Variants in KIAA1549 observed in about 807,000 individuals in gnomAD.
KIAA1549 encodes UPF0606 protein KIAA1549.
A neutral mutation model predicts 156.4 loss-of-function variants in KIAA1549; 70 were observed. The observed-to-expected ratio is 0.45, with a 90% CI of 0.37 to 0.55. The LOEUF (loss-of-function observed/expected upper bound fraction) is 0.55, where lower values mean the gene tolerates loss of function less well. KIAA1549 is among the 20% of genes least tolerant of loss of function. KIAA1549 has a pLI of 0.00. For missense variants in KIAA1549, 2,428 were observed against 2,540.9 expected (o/e 0.96, Z 0.96); for synonymous variants, 1,103 against 1,066.4 (o/e 1.03, Z -0.67).
intron 17 of KIAA1549, among the ~76,000 whole-genome samples, chr7:138,850,714 AT>A (rs1286052750): frequency 6.6e-6 from 1 of 152,178 alleles, no homozygotes; most frequent in Non-Finnish European, 1.5e-5. Context: ...ATTAGATCCC[AT>A]ATGTCAATTT....
At chr7:138,936,764 G>T (rs1813023316) in intron 1 of KIAA1549, among the ~76,000 whole-genome samples, 1 of 122,302 alleles carries the variant, frequency 8.2e-6, no homozygotes. Flanking sequence ...CCCAAACGCT[G>T]GTACTGTGGG....
intron 1 of KIAA1549, among the ~76,000 whole-genome samples, chr7:138,964,452 T>C (rs1563096132): frequency 6.6e-6 from 1 of 152,202 alleles, no homozygotes; most frequent in Non-Finnish European, 1.5e-5. Context: ...ATCCTTACAG[T>C]ACCTACCTCA....
chr7:138,925,107 T>A (rs1323689041), intron 1 of KIAA1549, among the ~76,000 whole-genome samples: 1 of 152,184 alleles, frequency 6.6e-6, no homozygotes, highest in Admixed American at 6.5e-5. Flanking sequence ...CTGGCCATGC[T>A]GGACGTCACA....
chr7:138,953,216 C>T, intron 1 of KIAA1549, among the ~76,000 whole-genome samples: 1 of 152,110 alleles, frequency 6.6e-6, no homozygotes, highest in East Asian at 1.9e-4. Flanking sequence ...ATTAGCCAGG[C>T]ATGGTGGTGC....
rs747587403 is a variant in KIAA1549 at position 138,871,224 on chromosome 7, G to C, written c.4484C>G (p.Pro1495Arg). The change falls in exon 13 of 20, where the codon CCG (proline) becomes CGG (arginine). Residue 1495 changes from proline to arginine, a missense_variant. Transcript: ENST00000422774. The stretch of plus-strand genomic sequence containing the variant: ...GGAGGGGCGCTGGACGGGAGGTGCC[G>C]GGATCGGCTGCATGGCGATAAGCTG... ...KIQLIAMQPI[P>R]APPVQRPSPA... 6 of 1,613,096 alleles carry C rather than the reference G, an allele frequency of 3.7e-6. No individual in the cohort carries two copies. The highest frequency in any genetic ancestry group is 3.3e-5 in the South Asian group (3 of 91,058).
chr7:138,964,181 G>C (rs561612127), intron 1 of KIAA1549, among the ~76,000 whole-genome samples: 45 of 152,310 alleles, frequency 3.0e-4, no homozygotes, highest in African/African-American at 1.0e-3. Flanking sequence ...TTCTAACAGG[G>C]ACAGGGAGCT....
At chr7:138,954,733 G>A (rs921494640) in intron 1 of KIAA1549, among the ~76,000 whole-genome samples, 2 of 152,188 alleles carry the variant, frequency 1.3e-5, no homozygotes, top group South Asian at 2.1e-4. Context: ...TACCTGGCCC[G>A]TGCAGAGTGA....
intron 1 of KIAA1549, among the ~76,000 whole-genome samples, chr7:138,942,205 T>C (rs74998503): frequency 0.14 from 20,613 of 152,116 alleles, 1,551 homozygotes; most frequent in South Asian, 0.2. Context: ...CACCACACTG[T>C]CTCTCTGAAA....
chr7:138,847,823 T>C (rs1440395461), intron 17 of KIAA1549, among the ~76,000 whole-genome samples: 1 of 152,194 alleles, frequency 6.6e-6, no homozygotes, highest in Non-Finnish European at 1.5e-5. Flanking sequence ...AATCTACAAA[T>C]CACATGGGGA....
chr7:138,862,116 A>G (rs1315831618), intron 15 of KIAA1549, among the ~76,000 whole-genome samples: 4 of 152,210 alleles, frequency 2.6e-5, no homozygotes, highest in African/African-American at 7.2e-5. Context: ...CTAGAAGTCA[A>G]TAAGTAAAGT....
At position 138,833,394 on chromosome 7, in the gene KIAA1549, T is replaced by A. The variant is rs1809598093; in HGVS notation, c.*4512A>T. On this transcript the variant is annotated 3_prime_UTR_variant, in exon 20 of 20. Coordinates refer to ENST00000422774, the MANE Select transcript of KIAA1549 (RefSeq NM_001164665.2). ...GGTCACTGGAACACTTAGAAAAAAG[T>A]TGTGCGAAAGAAGGAACGCTGAACC... 1 of 232,410 alleles carries A rather than the reference T, an allele frequency of 4.3e-6. No homozygotes were observed. The highest frequency in any genetic ancestry group is 8.5e-6 in the Non-Finnish European group (1 of 117,602). 14.4% of individuals were successfully genotyped at this position (232,410 alleles called of 1,614,324 possible).
chr7:138,923,561 T>C (rs183668619), intron 1 of KIAA1549, among the ~76,000 whole-genome samples: 1,882 of 151,644 alleles, frequency 0.012, 21 homozygotes, highest in Non-Finnish European at 0.02. Flanking sequence ...GATCATGCCA[T>C]TGCACTCCAG....
Position 138,981,329 on chromosome 7 carries a change from G to GGCCGCT in KIAA1549, c.-66_-61dup. On this transcript the variant is annotated 5_prime_UTR_variant, in exon 1 of 20. Coordinates refer to ENST00000422774, the MANE Select transcript of KIAA1549 (RefSeq NM_001164665.2). The surrounding 1 kb of genome is among the most constrained non-coding windows in gnomAD (Gnocchi z 4.5). ...AGCGGCTCTCGGGTCCGGGAGGGGC[G>GGCCGCT]GCCGCTGCGGCTGCGGCTGGGACGG... 1 of 692,524 alleles carries GGCCGCT rather than the reference G, an allele frequency of 1.4e-6. No homozygotes were observed. The highest frequency in any genetic ancestry group is 1.8e-6 in the Non-Finnish European group (1 of 565,222). The allele number at this position is 692,524 out of a possible 1,614,324, so 42.9% of individuals were successfully genotyped here.
Position 138,981,310 on chromosome 7 carries a change from T to C in KIAA1549, c.-41A>G, listed in dbSNP as rs1019651236. 3.4e-6 allele frequency: 3 copies of C among 883,682 alleles called. No individual in the cohort carries two copies. Among genetic ancestry groups the C allele is most frequent in the Non-Finnish European group, 2.7e-6 (2 of 740,716 alleles). The allele number at this position is 883,682 out of a possible 1,614,324, so 54.7% of individuals were successfully genotyped here. A position where few individuals can be genotyped will look rare whatever the true frequency, so the allele number is the denominator to read the frequency against. On this transcript the variant is annotated 5_prime_UTR_variant, in exon 1 of 20. Transcript: ENST00000422774. The surrounding 1 kb of genome is among the most constrained non-coding windows in gnomAD (Gnocchi z 4.5). ...CGGCCCGGCCTCGCGGCTCAGCGGCTCTCGGGTCCGGGAGGGGCGGCCGCT... is the reference window on the plus strand; with the variant it reads ...CGGCCCGGCCTCGCGGCTCAGCGGCCCTCGGGTCCGGGAGGGGCGGCCGCT...
At chr7:138,867,897 G>C in intron 15 of KIAA1549, 78 bp downstream of exon 15, 1 of 1,493,262 alleles carries the variant, frequency 6.7e-7, no homozygotes, top group Non-Finnish European at 9.2e-7. Context: ...CAGTGCTGCT[G>C]CTTCTCCTCC....
chr7:138,874,301 T>C (rs757888462), intron 12 of KIAA1549, among the ~76,000 whole-genome samples: 1 of 151,990 alleles, frequency 6.6e-6, no homozygotes, highest in African/African-American at 2.4e-5. Context: ...AATTTTACTA[T>C]AGAGTCAAGA....
chr7:138,849,089 C>G lies in KIAA1549; in HGVS notation c.5294+3134G>C, dbSNP rs188496267. Among the ~76,000 whole-genome samples the G allele has an allele frequency of 6.3e-4, 96 of 152,218 alleles. 1 individual carries two copies. In the South Asian group the frequency reaches 0.012, roughly 19 times the overall value. ...ATCTCCTTTTTAATGTCTGTAAGAT[C>G]TGGATTAATGGGTCCTTTTCATTCT... On this transcript the variant is annotated intron_variant, in intron 17 of 19. Transcript: ENST00000422774.
At chr7:138,855,085 T>G (rs975978943) in intron 16 of KIAA1549, among the ~76,000 whole-genome samples, 15 of 151,840 alleles carry the variant, frequency 9.9e-5, no homozygotes, top group Non-Finnish European at 2.1e-4. Flanking sequence ...CACTGAGGGG[T>G]GCACTGGCAG....
intron 1 of KIAA1549, among the ~76,000 whole-genome samples, chr7:138,955,647 C>T (rs181556841): frequency 6.6e-6 from 1 of 152,136 alleles, no homozygotes; most frequent in East Asian, 1.9e-4. Context: ...ATAGCATGAT[C>T]CCATTTTATG....
Sources: gnomAD v4.1 joint callset for allele counts (sites outside exome capture counted in the v4.1 genomes callset) on GRCh38, gnomAD v4.1.1 for gene constraint, Gnocchi (gnomAD v3.1) non-coding constraint, MANE v1.5 for transcripts, NCBI Gene and HGNC (gene_info 2026-07-23, HGNC 2026-07-21) for gene names.